Variants in PDE10A observed in about 807,000 individuals in gnomAD.
PDE10A encodes the protein cAMP and cAMP-inhibited cGMP 3',5'-cyclic phosphodiesterase 10A.
In PDE10A, 39 loss-of-function variants were observed where a neutral mutation model predicts 97.7. The ratio of observed to expected loss-of-function variants is 0.40; its 90% CI spans 0.31 to 0.52. The LOEUF is 0.52. Ranked by LOEUF, PDE10A falls within the 20% of genes least tolerant of loss-of-function variation. The pLI is 0.56. For missense variants in PDE10A, 731 were observed against 1,047.8 expected (o/e 0.70, Z 4.17); for synonymous variants, 371 against 376.8 (o/e 0.98, Z 0.18).
Position 165,343,650 on chromosome 6 carries a change from G to A in PDE10A, c.2784-148C>T. ...GAAGTGACAGCCAGGACAGTAAAAT[G>A]GAATTAAAAATTAGTGTCATTTTCA... On this transcript the variant is annotated intron_variant, in intron 18 of 21. Transcript: ENST00000539869. The A allele has an allele frequency of 4.8e-6, 3 of 626,092 alleles. 1 individual carries two copies. The South Asian group carries it at 5.8e-5, about 12-fold the overall frequency. 38.8% of individuals were successfully genotyped at this position (626,092 alleles called of 1,614,324 possible).
chr6:165,430,461 T>C lies in PDE10A; in HGVS notation c.1543-116A>G, dbSNP rs182851343. ...AGAAGGCCTAACACAATCACTTGGG[T>C]TATAATGTAATAATAATATCAATAA... On this transcript the variant is annotated intron_variant, in intron 8 of 21. Transcript: ENST00000539869. 4.9e-6 allele frequency: 3 copies of C among 608,688 alleles called. No homozygotes were observed. In the East Asian group the frequency reaches 8.5e-5, roughly 17 times the overall value. 37.7% of individuals were successfully genotyped at this position (608,688 alleles called of 1,614,324 possible). A position where few individuals can be genotyped will look rare whatever the true frequency, so the allele number is the denominator to read the frequency against.
chr6:165,907,786 C>T (rs558242333), intron 1 of PDE10A, among the ~76,000 whole-genome samples: 14 of 148,344 alleles, frequency 9.4e-5, no homozygotes, highest in South Asian at 4.2e-4. Context: ...GGGCTGAGGC[C>T]GCGCCCAGAG....
At chr6:165,722,457 T>A (rs537565174) in intron 1 of PDE10A, among the ~76,000 whole-genome samples, 21 of 152,346 alleles carry the variant, frequency 1.4e-4, no homozygotes, top group Admixed American at 6.5e-5. Context: ...ACAAATCCTG[T>A]GTATGCTATG....
At chr6:165,380,270 T>C (rs1187185896) in intron 17 of PDE10A, among the ~76,000 whole-genome samples, 1 of 152,186 alleles carries the variant, frequency 6.6e-6, no homozygotes, top group Non-Finnish European at 1.5e-5. Flanking sequence ...CTACTCTAAG[T>C]TGATTTTCAA....
intron 1 of PDE10A, among the ~76,000 whole-genome samples, chr6:165,733,884 A>G (rs1446766774): frequency 6.7e-6 from 1 of 148,596 alleles, no homozygotes; most frequent in South Asian, 2.1e-4. Flanking sequence ...AAAAAAAAAA[A>G]CTGGGCCTTT....
chr6:165,730,082 C>A (rs1286809566), intron 1 of PDE10A, among the ~76,000 whole-genome samples: 1 of 150,756 alleles, frequency 6.6e-6, no homozygotes, highest in Non-Finnish European at 1.5e-5. Flanking sequence ...TCTTGTATAT[C>A]TATCTTGAAA....
intron 17 of PDE10A, among the ~76,000 whole-genome samples, chr6:165,385,255 C>G (rs182084850): frequency 6.6e-6 from 1 of 151,994 alleles, no homozygotes; most frequent in East Asian, 1.9e-4. Context: ...AGCCTGCATT[C>G]CTGGGTCAAT....
chr6:165,355,099 C>A (rs1394187978), intron 18 of PDE10A, among the ~76,000 whole-genome samples: 1 of 152,152 alleles, frequency 6.6e-6, no homozygotes, highest in Non-Finnish European at 1.5e-5. Flanking sequence ...CCATATTAAT[C>A]TTTTAATGAT....
chr6:165,752,280 A>G (rs1249211474), intron 1 of PDE10A, among the ~76,000 whole-genome samples: 6 of 152,178 alleles, frequency 3.9e-5, no homozygotes, highest in Non-Finnish European at 8.8e-5. Flanking sequence ...ACTGCTGTCT[A>G]ACATCACTGG....
chr6:165,624,941 G>A (rs528583730), intron 1 of PDE10A, among the ~76,000 whole-genome samples: 30 of 152,300 alleles, frequency 2.0e-4, no homozygotes, highest in East Asian at 7.7e-4. Flanking sequence ...AGTCCTGAAT[G>A]CAGGAGGGCC....
chr6:165,978,503 T>A (rs776362), intron 1 of PDE10A, among the ~76,000 whole-genome samples: 1 of 152,202 alleles, frequency 6.6e-6, no homozygotes, highest in South Asian at 2.1e-4. Flanking sequence ...TGGGATGCAT[T>A]GAGAATGGCA....
rs1790230438 is a variant in PDE10A at position 165,661,081 on chromosome 6, A to G, written c.865+866T>C. 1 of 152,426 alleles carries G rather than the reference A, an allele frequency of 6.6e-6. No individual in the cohort carries two copies. The highest frequency in any genetic ancestry group is 1.5e-5 in the Non-Finnish European group (1 of 68,446). 9.4% of individuals were successfully genotyped at this position (152,426 alleles called of 1,614,324 possible). A position where few individuals can be genotyped will look rare whatever the true frequency, so the allele number is the denominator to read the frequency against. On this transcript the variant is annotated intron_variant, in intron 1 of 21. Coordinates refer to ENST00000539869, the MANE Select transcript of PDE10A (RefSeq NM_001385079.1). The surrounding 1 kb of genome is among the most constrained non-coding windows in gnomAD (Gnocchi z 4.8). ...ACCCCTGCCTTGACTTTTCTGCTCA[A>G]TCTTGTCCCCCACCCCCGTGACATG...
intron 2 of PDE10A, among the ~76,000 whole-genome samples, chr6:165,491,380 C>G (rs564073906): frequency 6.6e-6 from 1 of 152,236 alleles, no homozygotes; most frequent in South Asian, 2.1e-4. Context: ...TAAACTACAT[C>G]CTACAACAAA....
chr6:165,877,673 A>G (rs927722726), intron 1 of PDE10A, among the ~76,000 whole-genome samples: 2 of 152,204 alleles, frequency 1.3e-5, no homozygotes, highest in African/African-American at 4.8e-5. Flanking sequence ...TACTTAAAAA[A>G]ATCTTATCTT....
chr6:165,982,106 A>G (rs1052843732), intron 1 of PDE10A, among the ~76,000 whole-genome samples: 2 of 152,258 alleles, frequency 1.3e-5, no homozygotes, highest in African/African-American at 4.8e-5. Context: ...TCAGAGAGGT[A>G]GAGTTATGTG....
At chr6:165,584,447 G>A (rs1316444818) in intron 1 of PDE10A, among the ~76,000 whole-genome samples, 1 of 152,108 alleles carries the variant, frequency 6.6e-6, no homozygotes, top group African/African-American at 2.4e-5. Flanking sequence ...GGAGCCTTTT[G>A]TTTGAGACTT....
chr6:165,448,644 G>A (rs982333692), intron 5 of PDE10A, among the ~76,000 whole-genome samples: 13 of 151,704 alleles, frequency 8.6e-5, no homozygotes, highest in Middle Eastern at 3.4e-3. Flanking sequence ...AATACCTTTT[G>A]TACACAACAC....
At chr6:165,653,025 C>CT (rs1354639404) in intron 1 of PDE10A, among the ~76,000 whole-genome samples, 1 of 152,172 alleles carries the variant, frequency 6.6e-6, no homozygotes, top group Non-Finnish European at 1.5e-5. Flanking sequence ...CCCTGGGTCA[C>CT]TGGTGCCAAC....
chr6:165,885,994 G>A (rs894605163), intron 1 of PDE10A, among the ~76,000 whole-genome samples: 1 of 152,102 alleles, frequency 6.6e-6, no homozygotes, highest in Non-Finnish European at 1.5e-5. Flanking sequence ...TCGTCTCCTC[G>A]AAAAATATTG....
Sources: gnomAD v4.1 joint callset for allele counts (sites outside exome capture counted in the v4.1 genomes callset) on GRCh38, gnomAD v4.1.1 for gene constraint, Gnocchi (gnomAD v3.1) non-coding constraint, MANE v1.5 for transcripts, NCBI Gene and HGNC (gene_info 2026-07-23, HGNC 2026-07-21) for gene names.